VPS8: variants seen among roughly 807,000 people sequenced by gnomAD.
The protein encoded by VPS8 is VPS8 subunit of CORVET complex, also known as vacuolar protein sorting-associated protein 8 homolog.
In VPS8, 129 loss-of-function variants were observed where a neutral mutation model predicts 216.4. That is an observed-to-expected ratio of 0.60 (90% CI 0.52 to 0.69). VPS8 has a LOEUF of 0.69. Ranked by LOEUF, VPS8 falls within the 30% of genes least tolerant of loss-of-function variation. The pLI, the probability that VPS8 is intolerant of heterozygous loss-of-function variation, is 0.00. For synonymous variants in VPS8, 571 were observed against 565.4 expected, an observed-to-expected ratio of 1.01 and a Z score of -0.14; for missense variants, 1,531 against 1,683.5, an observed-to-expected ratio of 0.91 and a Z score of 1.59.
At chr3:184,824,062 C>G (rs1718181022) in intron 1 of VPS8, 1 of 152,344 alleles carries the variant, frequency 6.6e-6, no homozygotes, top group East Asian at 1.9e-4. Flanking sequence ...GTTGTTCATC[C>G]TCAGTGTTTC....
chr3:184,895,994 G>A (rs998748801), intron 23 of VPS8, among the ~76,000 whole-genome samples: 2 of 151,870 alleles, frequency 1.3e-5, no homozygotes, highest in Non-Finnish European at 2.9e-5. Context: ...TCCTGCAAAG[G>A]TGCCAAGCCC....
chr3:184,844,923 C>T (rs1325108657), intron 8 of VPS8, among the ~76,000 whole-genome samples: 1 of 152,156 alleles, frequency 6.6e-6, no homozygotes, highest in Non-Finnish European at 1.5e-5. Context: ...ATAGGCAAAA[C>T]TCTTTGTCAA....
chr3:184,917,336 C>G (rs1404671735), intron 28 of VPS8, among the ~76,000 whole-genome samples: 1 of 152,156 alleles, frequency 6.6e-6, no homozygotes, highest in Non-Finnish European at 1.5e-5. Flanking sequence ...CAGAGAGAAA[C>G]AAATCCAGAG....
At chr3:184,926,782 C>A in intron 31 of VPS8, 132 bp downstream of exon 31, 2 of 807,994 alleles carry the variant, frequency 2.5e-6, no homozygotes, top group South Asian at 3.9e-5. Context: ...AAGTTAGAGT[C>A]AGTGGGAACC....
At chr3:184,961,863 T>A (rs372673080) in intron 37 of VPS8, among the ~76,000 whole-genome samples, 2 of 152,054 alleles carry the variant, frequency 1.3e-5, no homozygotes, top group South Asian at 4.2e-4. Context: ...ACCTCCCAGA[T>A]TCAAGTGATT....
At chr3:184,839,458 T>A (rs1721712169) in intron 6 of VPS8, 3 of 443,772 alleles carry the variant, frequency 6.8e-6, no homozygotes, top group Middle Eastern at 6.0e-4. Flanking sequence ...TTATTGCCTA[T>A]AATGTTGAAC....
intron 3 of VPS8, among the ~76,000 whole-genome samples, chr3:184,829,274 C>T (rs1406823357): frequency 6.6e-5 from 10 of 152,182 alleles, no homozygotes; most frequent in South Asian, 2.1e-4. Context: ...AGTGCAGTGG[C>T]GCGATCAGGG....
intron 1 of VPS8, among the ~76,000 whole-genome samples, chr3:184,821,711 G>A (rs375090753): frequency 6.6e-6 from 1 of 152,190 alleles, no homozygotes; most frequent in African/African-American, 2.4e-5. Context: ...TAGAACCTAA[G>A]TTCTATCAAT....
At chr3:184,825,215 A>C (rs1718492046) in intron 2 of VPS8, among the ~76,000 whole-genome samples, 1 of 152,148 alleles carries the variant, frequency 6.6e-6, no homozygotes, top group Admixed American at 6.5e-5. Flanking sequence ...AGTCCATTAC[A>C]GTTTATGAAA....
At chr3:184,882,560 T>G (rs1195134069) in intron 21 of VPS8, 1 of 257,956 alleles carries the variant, frequency 3.9e-6, no homozygotes, top group Non-Finnish European at 7.8e-6. Context: ...TGTATCAGGG[T>G]AATACTAACT....
intron 32 of VPS8, among the ~76,000 whole-genome samples, chr3:184,929,257 G>A (rs775371152): frequency 8.6e-5 from 13 of 152,036 alleles, no homozygotes; most frequent in African/African-American, 1.2e-4. Flanking sequence ...GCAGTGGTGC[G>A]ATCATAGCTC....
chr3:185,036,360 A>G (rs1319757271), intron 46 of VPS8, among the ~76,000 whole-genome samples: 1 of 152,182 alleles, frequency 6.6e-6, no homozygotes, highest in Non-Finnish European at 1.5e-5. Flanking sequence ...ACTTCAAACT[A>G]TACTATAAAG....
At position 184,982,964 on chromosome 3, in the gene VPS8, A is replaced by C. The variant is rs1299752921; in HGVS notation, c.3503-48A>C. The C allele has an allele frequency of 2.0e-6, 3 of 1,479,240 alleles. No individual in the cohort carries two copies. The African/African-American group carries it at 4.3e-5, about 21-fold the overall frequency. The allele number at this position is 1,479,240 out of a possible 1,614,324, so 91.6% of individuals were successfully genotyped here. A position where few individuals can be genotyped will look rare whatever the true frequency, so the allele number is the denominator to read the frequency against. On this transcript the variant is annotated intron_variant, in intron 41 of 47. Transcript: ENST00000625842. ...TCCACAGACTTATAGGAAAAACTGAAAACTCTTATTTTAAACTAACCTTAA... is the reference window on the plus strand; with the variant it reads ...TCCACAGACTTATAGGAAAAACTGACAACTCTTATTTTAAACTAACCTTAA...
chr3:185,012,851 G>A (rs1755217885), intron 45 of VPS8, among the ~76,000 whole-genome samples: 1 of 152,096 alleles, frequency 6.6e-6, no homozygotes, highest in Non-Finnish European at 1.5e-5. Context: ...TGGAAATCAG[G>A]GGTCTCACAG....
intron 36 of VPS8, among the ~76,000 whole-genome samples, chr3:184,953,357 G>A (rs1169823749): frequency 2.0e-5 from 3 of 152,174 alleles, no homozygotes; most frequent in African/African-American, 7.2e-5. Flanking sequence ...AAAAAGGTGG[G>A]ATATCTTGAA....
intron 33 of VPS8, among the ~76,000 whole-genome samples, chr3:184,930,051 C>T (rs1221059918): frequency 6.6e-6 from 1 of 151,958 alleles, no homozygotes; most frequent in Non-Finnish European, 1.5e-5. Context: ...ACTGTATATG[C>T]AAGAGACCTG....
chr3:185,024,623 A>G lies in VPS8; in HGVS notation c.4056+234A>G, dbSNP rs376864715. 9.8e-5 allele frequency among the ~76,000 whole-genome samples: 15 copies of G among 152,364 alleles called. No individual in the cohort carries two copies. In the South Asian group the frequency reaches 3.1e-3, roughly 32 times the overall value. On this transcript the variant is annotated intron_variant, in intron 46 of 47. Transcript: ENST00000625842. ...GCAACTATCAGTTTCTAGAATGTCC[A>G]TCTTCCAGGCATGGTATCGTGGTAT...
At chr3:184,922,358 C>A in intron 29 of VPS8, 1 of 441,458 alleles carries the variant, frequency 2.3e-6, no homozygotes, top group Non-Finnish European at 4.5e-6. Context: ...TAGACTTGAG[C>A]TTCCTGAAGG....
intron 23 of VPS8, among the ~76,000 whole-genome samples, chr3:184,895,371 A>G (rs1733189796): frequency 6.6e-6 from 1 of 152,016 alleles, no homozygotes. Context: ...GCTGGTATGT[A>G]TGTCCAGAGT....
Sources: allele counts gnomAD v4.1 joint callset (sites outside exome capture counted in the v4.1 genomes callset), GRCh38; gene constraint gnomAD v4.1.1; transcripts MANE v1.5; gene names NCBI Gene and HGNC (gene_info 2026-07-23, HGNC 2026-07-21).